Variants in USH2A observed in about 807,000 individuals in gnomAD.
USH2A encodes the protein Usher syndrome 2A (autosomal recessive, mild).
Under a neutral mutation model 538.9 loss-of-function variants are expected in USH2A, and 443 were observed. The observed-to-expected ratio is 0.82, with a 90% CI of 0.76 to 0.89. The LOEUF is 0.89. USH2A is among the 40% of genes least tolerant of loss of function. The probability of loss-of-function intolerance (pLI) is 0.00; values close to 1 mark genes in which losing one functional copy is unlikely to be tolerated. For synonymous variants in USH2A, 2,413 were observed against 2,273.5 expected (o/e 1.06, Z -1.75); for missense variants, 6,633 against 6,324.8 (o/e 1.05, Z -1.65).
chr1:216,247,241 TA>T lies in USH2A; in HGVS notation c.2168-16del, dbSNP rs1558342224. The T allele has an allele frequency of 6.2e-7, 1 of 1,613,366 alleles. No homozygotes were observed. The highest frequency in any genetic ancestry group is 1.1e-5 in the South Asian group (1 of 91,050). On this transcript the variant is annotated splice_polypyrimidine_tract_variant and intron_variant, in intron 12 of 71. Transcript: ENST00000307340. ...ACACCTAAGCCCTAAAGATAAAATA[TA>T]TTTAAAAGGTGAGGATGGGAAAATG...
At chr1:216,140,346 A>G (rs2033577465) in intron 21 of USH2A, among the ~76,000 whole-genome samples, 1 of 152,208 alleles carries the variant, frequency 6.6e-6, no homozygotes, top group Admixed American at 6.5e-5. Flanking sequence ...TGAATAATTT[A>G]TATAAAATAT....
At chr1:216,345,776 T>C (rs1028573781) in intron 4 of USH2A, among the ~76,000 whole-genome samples, 2 of 152,148 alleles carry the variant, frequency 1.3e-5, no homozygotes, top group Non-Finnish European at 2.9e-5. Flanking sequence ...TGGCTAGTTA[T>C]GTCCTTGGGA....
intron 3 of USH2A, among the ~76,000 whole-genome samples, chr1:216,411,489 T>A (rs926523810): frequency 6.6e-6 from 1 of 152,060 alleles, no homozygotes; most frequent in Non-Finnish European, 1.5e-5. Flanking sequence ...GATGTCCTTA[T>A]AAGAAGAGAA....
chr1:216,152,236 T>C (rs1003959084), intron 21 of USH2A, among the ~76,000 whole-genome samples: 1 of 152,180 alleles, frequency 6.6e-6, no homozygotes, highest in African/African-American at 2.4e-5. Context: ...AGCCAAGCCA[T>C]CGCATCCCCT....
At chr1:216,353,808 T>C (rs749063608) in intron 4 of USH2A, among the ~76,000 whole-genome samples, 14 of 152,150 alleles carry the variant, frequency 9.2e-5, no homozygotes, top group Non-Finnish European at 2.1e-4. Context: ...ACAAGCCAGA[T>C]AAGCCCTAAA....
intron 70 of USH2A, among the ~76,000 whole-genome samples, chr1:215,632,699 C>G (rs1656322242): frequency 6.6e-6 from 1 of 152,154 alleles, no homozygotes; most frequent in Admixed American, 6.5e-5. Flanking sequence ...AGCTCATCTC[C>G]CAGGCTAAAC....
At chr1:216,092,680 AT>A (rs1220867576) in intron 22 of USH2A, among the ~76,000 whole-genome samples, 1 of 152,184 alleles carries the variant, frequency 6.6e-6, no homozygotes. Flanking sequence ...GTATAAATTC[AT>A]TGGAAGTAAG....
At chr1:215,676,085 G>A (rs1156408764) in intron 62 of USH2A, among the ~76,000 whole-genome samples, 1 of 152,112 alleles carries the variant, frequency 6.6e-6, no homozygotes, top group Non-Finnish European at 1.5e-5. Context: ...GTTACAGAGT[G>A]CCAGGGCTGA....
At chr1:216,183,208 T>C (rs1026146838) in intron 20 of USH2A, among the ~76,000 whole-genome samples, 1 of 151,976 alleles carries the variant, frequency 6.6e-6, no homozygotes. Flanking sequence ...GCCTGAAGGA[T>C]TTCCCTGACA....
intron 61 of USH2A, among the ~76,000 whole-genome samples, chr1:215,690,315 G>A (rs1451812636): frequency 6.6e-6 from 1 of 152,084 alleles, no homozygotes; most frequent in African/African-American, 2.4e-5. Context: ...GCCATCCTTG[G>A]CTTCTTGAAT....
rs1658171988 is a variant in USH2A, at chr1:215,680,027, T to C, written c.12294+122A>G. 4.2e-6 allele frequency: 4 copies of C among 953,034 alleles called. No homozygotes were observed. In the East Asian group the frequency reaches 9.9e-5, roughly 24 times the overall value. 59.0% of individuals were successfully genotyped at this position (953,034 alleles called of 1,614,324 possible). ...TCTATGATTAAGTGCCTGGAGGAGC[T>C]ATCAAGGAGAATTAAACAGGCTGTG... is the stretch of plus-strand genomic sequence containing the variant. On this transcript the variant is annotated intron_variant, in intron 62 of 71. Coordinates refer to ENST00000307340, the MANE Select transcript of USH2A (RefSeq NM_206933.4).
intron 13 of USH2A, among the ~76,000 whole-genome samples, chr1:216,242,606 C>A (rs577268688): frequency 6.6e-6 from 1 of 152,040 alleles, no homozygotes; most frequent in Non-Finnish European, 1.5e-5. Flanking sequence ...TTGATAATTT[C>A]TTTCACTTCA....
In USH2A at chr1:216,032,560, A is replaced by C. The variant is rs149131792; in HGVS notation, c.6325+13871T>G. Among the ~76,000 whole-genome samples the C allele has an allele frequency of 2.8e-4, 42 of 152,308 alleles. No homozygotes were observed. In the East Asian group the frequency reaches 7.9e-3, roughly 29 times the overall value. On this transcript the variant is annotated intron_variant, in intron 32 of 71. Coordinates refer to ENST00000307340, the MANE Select transcript of USH2A (RefSeq NM_206933.4). Reference sequence around the variant, plus strand: ...AGTGTGGGTGGAATCTGTGAATTTCATGAGATATCACACTTATGATTATCT... The same window carrying C: ...AGTGTGGGTGGAATCTGTGAATTTCCTGAGATATCACACTTATGATTATCT...
chr1:216,031,692 G>T (rs992324765), intron 32 of USH2A, among the ~76,000 whole-genome samples: 1 of 152,122 alleles, frequency 6.6e-6, no homozygotes, highest in Non-Finnish European at 1.5e-5. Context: ...TCCTTCAATG[G>T]TTCTCTCTTG....
chr1:216,240,519 G>A (rs1169838750), intron 13 of USH2A, among the ~76,000 whole-genome samples: 10 of 142,408 alleles, frequency 7.0e-5, no homozygotes, highest in African/African-American at 1.8e-4. Context: ...CTTCCAGGTC[G>A]TTAAAAAAAA....
intron 49 of USH2A, among the ~76,000 whole-genome samples, chr1:215,804,595 C>T (rs1435123471): frequency 6.8e-6 from 1 of 147,762 alleles, no homozygotes; most frequent in East Asian, 2.1e-4. Flanking sequence ...TACTATCTCA[C>T]ACCAGTTAGA....
intron 38 of USH2A, among the ~76,000 whole-genome samples, chr1:215,914,193 C>A (rs75084830): frequency 1.3e-5 from 2 of 151,282 alleles, no homozygotes; most frequent in Non-Finnish European, 2.9e-5. Context: ...TCTGCCTCAG[C>A]CTCCTGAGTA....
chr1:215,753,231 A>G (rs1179073511), intron 58 of USH2A, among the ~76,000 whole-genome samples: 3 of 152,126 alleles, frequency 2.0e-5, no homozygotes, highest in African/African-American at 7.2e-5. Flanking sequence ...AACTAGTTCA[A>G]CCATTGTGGA....
chr1:216,399,299 G>A (rs1398402789), intron 3 of USH2A, among the ~76,000 whole-genome samples: 1 of 152,112 alleles, frequency 6.6e-6, no homozygotes, highest in African/African-American at 2.4e-5. Context: ...TCTCTTCACA[G>A]CACAAGACCA....
Sources: allele counts gnomAD v4.1 joint callset (sites outside exome capture counted in the v4.1 genomes callset), GRCh38; gene constraint gnomAD v4.1.1; transcripts MANE v1.5; gene names NCBI Gene and HGNC (gene_info 2026-07-23, HGNC 2026-07-21).